The following IFNAR1 variants were observed in gnomAD, a reference collection of about 807,000 sequenced individuals.
IFNAR1 encodes interferon alpha and beta receptor subunit 1, also known as interferon alpha/beta receptor 1.
Under a neutral mutation model 62.1 loss-of-function variants are expected in IFNAR1, and 47 were observed. The observed-to-expected ratio is 0.76, with a 90% CI of 0.60 to 0.97. The LOEUF is 0.97. IFNAR1 is among the 50% of genes least tolerant of loss of function. The pLI is 0.00. For missense variants in IFNAR1, 638 were observed against 654.5 expected (o/e 0.97, Z 0.27); for synonymous variants, 219 against 226.9 (o/e 0.97, Z 0.31).
At chr21:33,354,953 G>T (rs2083433335) in intron 10 of IFNAR1, among the ~76,000 whole-genome samples, 1 of 151,588 alleles carries the variant, frequency 6.6e-6, no homozygotes, top group African/African-American at 2.4e-5. Context: ...GCTTCTTCTG[G>T]ATATATATGT....
rs2083460701 is a variant in IFNAR1 at position 33,357,562 on chromosome 21, G to C, written c.*2013G>C. On this transcript the variant is annotated 3_prime_UTR_variant, in exon 11 of 11. Coordinates refer to ENST00000270139, the MANE Select transcript of IFNAR1 (RefSeq NM_000629.3). ...TTTTTTTTTGAGACAGTCTCATTCT[G>C]TTGCCCAGGCTGGAGTGCAGTGGCT... 1 of 143,348 alleles carries C rather than the reference G, an allele frequency of 7.0e-6. No homozygotes were observed. The highest frequency in any genetic ancestry group is 1.5e-5 in the Non-Finnish European group (1 of 67,068). The allele number at this position is 143,348 out of a possible 1,614,324, so 8.9% of individuals were successfully genotyped here. A position where few individuals can be genotyped will look rare whatever the true frequency, so the allele number is the denominator to read the frequency against.
chr21:33,341,036 C>A lies in IFNAR1; in HGVS notation c.238C>A (p.Gln80Lys). The change falls in exon 3 of 11, where the codon CAG (glutamine) becomes AAG (lysine). Residue 80 changes from glutamine (Q) to lysine (K), a missense_variant. By Grantham distance (53) the Gln-to-Lys change is moderately conservative. Coordinates refer to ENST00000270139, the MANE Select transcript of IFNAR1 (RefSeq NM_000629.3). Reference sequence around the variant, plus strand: ...TAATTGGATAAAATTGTCTGGGTGTCAGAATATTACTAGTACCAAATGCAA... The same window carrying A: ...TAATTGGATAAAATTGTCTGGGTGTAAGAATATTACTAGTACCAAATGCAA... The part of the protein sequence containing the change: ...MDNWIKLSGC[Q>K]NITSTKCNFS... The A allele has an allele frequency of 6.2e-7, 1 of 1,611,636 alleles. No individual in the cohort carries two copies. Among genetic ancestry groups the A allele is most frequent in the South Asian group, 1.1e-5 (1 of 90,880 alleles).
intron 2 of IFNAR1, among the ~76,000 whole-genome samples, chr21:33,339,596 T>A (rs2083274978): frequency 6.6e-6 from 1 of 152,108 alleles, no homozygotes. Flanking sequence ...CTACTTATGG[T>A]CAATGGGCTT....
intron 1 of IFNAR1, chr21:33,335,225 A>C (rs2083222033): frequency 2.3e-6 from 1 of 439,404 alleles, no homozygotes; most frequent in Admixed American, 3.6e-5. Flanking sequence ...CATCGGTGTC[A>C]CTTCTAAGAC....
rs61735334 is a variant in IFNAR1, at chr21:33,335,636, C to T, written c.189C>T (p.Phe63=). Residue 63 remains phenylalanine (F), a synonymous_variant, in exon 2 of 11, where the codon TTC becomes TTT. Coordinates refer to ENST00000270139, the MANE Select transcript of IFNAR1 (RefSeq NM_000629.3). ...DESVGNVTFS[F]DYQKTGMDNW... ...CTGTCGGGAATGTGACTTTTTCATT[C>T]GATTATCAAAAGTATGTGACTCTAC... 437 of 1,563,438 alleles carry T rather than the reference C, an allele frequency of 2.8e-4. No homozygotes were observed. In the African/African-American group the frequency reaches 5.2e-3, roughly 19 times the overall value.
intron 8 of IFNAR1, among the ~76,000 whole-genome samples, chr21:33,351,883 GAC>G (rs1224341611): frequency 4.6e-5 from 7 of 151,966 alleles, no homozygotes; most frequent in Non-Finnish European, 8.8e-5. Context: ...TTCTTGTACA[GAC>G]AGAGTCTAGC....
chr21:33,353,663 A>G lies in IFNAR1; in HGVS notation c.1320A>G (p.Ile440Met). The G allele has an allele frequency of 6.4e-7, 1 of 1,563,276 alleles. No individual in the cohort carries two copies. The highest frequency in any genetic ancestry group is 8.6e-7 in the Non-Finnish European group (1 of 1,157,560). Residue 440 changes from isoleucine to methionine, a missense_variant, in exon 10 of 11, where the codon ATA (isoleucine) becomes ATG (methionine). Physicochemically the swap from Ile to Met is conservative, Grantham distance 10. Transcript: ENST00000270139. ...GAAATACCTCTAAAATTTGGCTTATAGTTGGAATTTGTATTGCATTATTTG... is the reference window on the plus strand; with the variant it reads ...GAAATACCTCTAAAATTTGGCTTATGGTTGGAATTTGTATTGCATTATTTG... Reference protein sequence around the residue: ...KPGNTSKIWLIVGICIALFAL... With the variant: ...KPGNTSKIWLMVGICIALFAL...
intron 2 of IFNAR1, among the ~76,000 whole-genome samples, chr21:33,339,927 C>CAAA (rs532975886): frequency 2.8e-3 from 228 of 81,834 alleles, no homozygotes; most frequent in African/African-American, 9.4e-3. Context: ...GACTCTGTCT[C>CAAA]AAAAAAAAAA....
chr21:33,348,685 C>G (rs1203798086), intron 6 of IFNAR1, among the ~76,000 whole-genome samples: 1 of 151,954 alleles, frequency 6.6e-6, no homozygotes, highest in Non-Finnish European at 1.5e-5. Context: ...ACCTGTAATC[C>G]CAGCTACTCA....
upstream of IFNAR1, chr21:33,324,934 T>TGA (rs1211493985): frequency 5.0e-5 from 38 of 761,948 alleles, no homozygotes; most frequent in East Asian, 1.7e-4. Context: ...AGAGGGGCGG[T>TGA]GAGAGCTAAG....
At chr21:33,343,103 TTC>T (rs2083309461) in intron 3 of IFNAR1, among the ~76,000 whole-genome samples, 163 bp from the exon 4 acceptor site, 1 of 152,230 alleles carries the variant, frequency 6.6e-6, no homozygotes, top group South Asian at 2.1e-4. Flanking sequence ...CCTCTTCTCT[TTC>T]TGTATCACTC....
chr21:33,345,465 G>A (rs1484498575), intron 6 of IFNAR1, 105 bp downstream of exon 6: 4 of 711,686 alleles, frequency 5.6e-6, no homozygotes, highest in African/African-American at 3.6e-5. Context: ...GACCGACTGG[G>A]AGGTGGGTAC....
rs767267340 is a variant in IFNAR1 at position 33,333,625 on chromosome 21, TC to T, written c.77-1898del. ...GAGACTGGCGGAATATTTTTTTTTTTCTTTTTTTTTTTTTTTGAGACGGAGT... is the reference window on the plus strand; with the variant it reads ...GAGACTGGCGGAATATTTTTTTTTTTTTTTTTTTTTTTTTTGAGACGGAGT... On this transcript the variant is annotated intron_variant, in intron 1 of 10. Coordinates refer to ENST00000270139, the MANE Select transcript of IFNAR1 (RefSeq NM_000629.3). 9.1e-3 allele frequency among the ~76,000 whole-genome samples: 1,172 copies of T among 129,164 alleles called. 142 individuals carry two copies. Among genetic ancestry groups the T allele is most frequent in the African/African-American group, 0.037 (1,072 of 28,702 alleles). The allele number at this position is 129,164 out of a possible 152,430, so 84.7% of individuals were successfully genotyped here.
At chr21:33,337,698 A>G (rs901010847) in intron 2 of IFNAR1, among the ~76,000 whole-genome samples, 2 of 141,260 alleles carry the variant, frequency 1.4e-5, no homozygotes, top group Admixed American at 1.4e-4. Flanking sequence ...GTATACATAC[A>G]TATACACACA....
chr21:33,356,213 C>T lies in IFNAR1; in HGVS notation c.*664C>T, dbSNP rs1032087270. 5 of 152,240 alleles carry T rather than the reference C, an allele frequency of 3.3e-5. No homozygotes were observed. The highest frequency in any genetic ancestry group is 1.2e-4 in the African/African-American group (5 of 41,452). 9.4% of individuals were successfully genotyped at this position (152,240 alleles called of 1,614,324 possible). On this transcript the variant is annotated 3_prime_UTR_variant, in exon 11 of 11. Coordinates refer to ENST00000270139, the MANE Select transcript of IFNAR1 (RefSeq NM_000629.3). ...TAAGGATGACGTCTGTGTTCCTGTC[C>T]ATCACTGATGCTGCTGGCTACTGCA...
intron 1 of IFNAR1, among the ~76,000 whole-genome samples, chr21:33,328,035 C>T (rs17875765): frequency 0.015 from 2,285 of 152,290 alleles, 63 homozygotes; most frequent in African/African-American, 0.051. Flanking sequence ...CCGCGTGCAG[C>T]CCATGATGGC....
intron 1 of IFNAR1, among the ~76,000 whole-genome samples, chr21:33,329,737 G>T (rs1211881029): frequency 6.6e-6 from 1 of 152,194 alleles, no homozygotes; most frequent in Non-Finnish European, 1.5e-5. Context: ...TATTTAAGGA[G>T]TTCCTGTGAA....
At position 33,355,631 on chromosome 21, in the gene IFNAR1, A is replaced by G; in HGVS notation, c.*82A>G. 4.5e-6 allele frequency: 3 copies of G among 671,872 alleles called. No homozygotes were observed. The highest frequency in any genetic ancestry group is 2.2e-5 in the South Asian group (1 of 45,828). The allele number at this position is 671,872 out of a possible 1,614,324, so 41.6% of individuals were successfully genotyped here. ...TGAGGTCCTCACCTTCCTCTCAGTA[A>G]CTACAGAGAGGACGTTTCCCTGTTT... On this transcript the variant is annotated 3_prime_UTR_variant, in exon 11 of 11. Transcript: ENST00000270139.
chr21:33,346,045 C>T (rs1485826935), intron 6 of IFNAR1, among the ~76,000 whole-genome samples: 2 of 152,180 alleles, frequency 1.3e-5, no homozygotes, highest in East Asian at 3.8e-4. Flanking sequence ...ATCACACCTG[C>T]TAGTAGCCGC....
Sources: gnomAD v4.1 joint callset for allele counts (sites outside exome capture counted in the v4.1 genomes callset) on GRCh38, gnomAD v4.1.1 for gene constraint, MANE v1.5 for transcripts, NCBI Gene and HGNC (gene_info 2026-07-23, HGNC 2026-07-21) for gene names.